TUB: variants seen among roughly 807,000 people sequenced by gnomAD.
The protein encoded by TUB is tubby protein homolog.
TUB carries 33 observed loss-of-function variants against 59.7 expected under a neutral mutation model. The observed-to-expected ratio is 0.55, with a 90% CI of 0.42 to 0.74. The LOEUF (loss-of-function observed/expected upper bound fraction) is 0.74, where lower values mean the gene tolerates loss of function less well. TUB is among the 30% of genes least tolerant of loss of function. TUB has a pLI of 0.00. For missense variants in TUB, 659 were observed against 672.0 expected, an observed-to-expected ratio of 0.98 and a Z score of 0.21; for synonymous variants, 293 against 256.4, an observed-to-expected ratio of 1.14 and a Z score of -1.36.
At chr11:8,097,607 G>A in intron 7 of TUB, 107 bp from the exon 8 acceptor site, 2 of 1,297,766 alleles carry the variant, frequency 1.5e-6, no homozygotes, top group African/African-American at 1.5e-5. Flanking sequence ...GTGCACATAT[G>A]TGCGTTTGGG....
rs186904211 is a variant in TUB at position 8,073,725 on chromosome 11, A to G, written c.204-15885A>G. On this transcript the variant is annotated intron_variant, in intron 2 of 12. Coordinates refer to the TUB transcript ENST00000305253. ...GCTCAGCCTCAGAACCACTCTTTCT[A>G]TTTATAATCTCAGCCTGTGCTCCCC... Among the ~76,000 whole-genome samples the G allele has an allele frequency of 3.7e-4, 56 of 152,308 alleles. 1 individual carries two copies. In the East Asian group the frequency reaches 6.0e-3, roughly 16 times the overall value.
intron 1 of TUB, among the ~76,000 whole-genome samples, chr11:8,023,305 C>T (rs1026467166): frequency 6.6e-6 from 1 of 152,156 alleles, no homozygotes; most frequent in Admixed American, 6.5e-5. Context: ...GGGAAACAGG[C>T]CTTACCTCTT....
intron 1 of TUB, among the ~76,000 whole-genome samples, chr11:8,020,395 C>T (rs1018029186): frequency 6.6e-6 from 1 of 152,168 alleles, no homozygotes; most frequent in Non-Finnish European, 1.5e-5. Flanking sequence ...CCCTTGTTTG[C>T]CTAGATTCAG....
chr11:8,105,338 A>ACT lies in TUB; in HGVS notation c.*3722_*3723dup, dbSNP rs1235824493. ...CCTGCAGTCAGGGCCCAGAGTTGGG[A>ACT]CTCTATACTACCCTGGGCTCTGGTC... is the stretch of plus-strand genomic sequence containing the variant. On this transcript the variant is annotated 3_prime_UTR_variant, in exon 12 of 12. Transcript: ENST00000299506. The ACT allele has an allele frequency of 6.6e-6, 1 of 151,952 alleles. No individual in the cohort carries two copies. Among genetic ancestry groups the ACT allele is most frequent in the African/African-American group, 2.4e-5 (1 of 41,338 alleles). 9.4% of individuals were successfully genotyped at this position (151,952 alleles called of 1,614,324 possible).
intron 1 of TUB, among the ~76,000 whole-genome samples, chr11:8,033,625 G>A (rs918207666): frequency 4.6e-5 from 7 of 152,220 alleles, no homozygotes; most frequent in African/African-American, 1.7e-4. Flanking sequence ...TCCTGAGAGC[G>A]GGACCGTCTT....
intron 1 of TUB, among the ~76,000 whole-genome samples, chr11:8,020,142 C>G (rs1485432688): frequency 1.3e-5 from 2 of 152,220 alleles, no homozygotes; most frequent in African/African-American, 2.4e-5. Context: ...TAAATGCCAC[C>G]CTTGTATTTA....
rs2133873120 is a variant in TUB at position 8,096,791 on chromosome 11, C to G, written c.672C>G (p.Ser224Arg). Residue 224 changes from serine (S) to arginine (R), a missense_variant, in exon 6 of 12, where the codon AGC becomes AGG. Transcript: ENST00000299506. Reference sequence around the variant, plus strand: ...ACACCCGCCCCAGCTCTGCTACTAGCAGGAAGTCCGTCAGGGTGAGTGAGT... The same window carrying G: ...ACACCCGCCCCAGCTCTGCTACTAGGAGGAAGTCCGTCAGGGTGAGTGAGT... The part of the protein sequence containing the change: ...NSNTRPSSAT[S>R]RKSVREAASA... 1 of 1,614,170 alleles carries G rather than the reference C, an allele frequency of 6.2e-7. No homozygotes were observed. The highest frequency in any genetic ancestry group is 8.5e-7 in the Non-Finnish European group (1 of 1,180,004).
At chr11:8,033,032 C>T (rs1006338125) in intron 1 of TUB, among the ~76,000 whole-genome samples, 6 of 152,070 alleles carry the variant, frequency 3.9e-5, no homozygotes, top group African/African-American at 7.2e-5. Flanking sequence ...GCTGAGGTCC[C>T]GATAGAGTGG....
At chr11:8,081,591 G>C in intron 1 of TUB, 43 bp downstream of exon 1, 1 of 1,487,466 alleles carries the variant, frequency 6.7e-7, no homozygotes. Flanking sequence ...TCCCGACTCG[G>C]GACGTGAGCT....
intron 8 of TUB, 60 bp downstream of exon 8, chr11:8,097,886 C>T (rs1296728096): frequency 7.6e-7 from 1 of 1,308,032 alleles, no homozygotes; most frequent in African/African-American, 1.5e-5. Flanking sequence ...GGCAAGCTGT[C>T]TGTAGAGGGC....
At chr11:8,094,273 G>A in intron 4 of TUB, 84 bp downstream of exon 4, 3 of 1,473,182 alleles carry the variant, frequency 2.0e-6, no homozygotes, top group South Asian at 1.4e-5. Context: ...CTGACTTGGA[G>A]GGGAGGGATA....
intron 1 of TUB, among the ~76,000 whole-genome samples, chr11:8,022,430 T>C (rs1703897165): frequency 6.6e-6 from 1 of 152,160 alleles, no homozygotes; most frequent in South Asian, 2.1e-4. Flanking sequence ...GCTGCCCCCA[T>C]CACATCTTTG....
chr11:8,050,972 T>C (rs1375406255), intron 2 of TUB, among the ~76,000 whole-genome samples: 3 of 152,152 alleles, frequency 2.0e-5, no homozygotes, highest in African/African-American at 7.2e-5. Flanking sequence ...AAAGTCAAGG[T>C]GAGACAGGAA....
rs1328671741 is a variant in TUB at position 8,101,681 on chromosome 11, G to C, written c.*62G>C. ...AGCGGAGCTTGCCTGCCTGCCTGTG[G>C]AGACAGCCCTGCCTATCCTCTGTAT... On this transcript the variant is annotated 3_prime_UTR_variant, in exon 12 of 12. Coordinates refer to ENST00000299506, the MANE Select transcript of TUB (RefSeq NM_177972.3). 5.7e-6 allele frequency: 9 copies of C among 1,589,846 alleles called. No homozygotes were observed. The Admixed American group carries it at 1.1e-4, about 19-fold the overall frequency.
At position 8,029,124 on chromosome 11, in the gene TUB, G is replaced by A. The variant is rs1589919922; in HGVS notation, c.56+9766G>A. Reference sequence around the variant, plus strand: ...TACACTATATCTGTGACCAAAGGTGGATTCTGGCCCACACTGGTCTCTTCT... The same window carrying A: ...TACACTATATCTGTGACCAAAGGTGAATTCTGGCCCACACTGGTCTCTTCT... On this transcript the variant is annotated intron_variant, in intron 1 of 11. Transcript: ENST00000534099. 3.9e-5 allele frequency among the ~76,000 whole-genome samples: 6 copies of A among 152,302 alleles called. No homozygotes were observed. The South Asian group carries it at 1.2e-3, about 32-fold the overall frequency.
intron 1 of TUB, among the ~76,000 whole-genome samples, chr11:8,085,523 T>C (rs902715207): frequency 6.6e-6 from 1 of 151,976 alleles, no homozygotes; most frequent in Admixed American, 6.6e-5. Flanking sequence ...TTGCCGGGGG[T>C]CCAGGGTTGC....
At chr11:8,036,170 C>G (rs1942643245), upstream of TUB, 1 of 152,156 alleles carries the variant, frequency 6.6e-6, no homozygotes, top group Non-Finnish European at 1.5e-5. Flanking sequence ...CCTAGGCCAG[C>G]TGGTCACAGT....
Position 8,101,598 on chromosome 11 carries a change from C to T in TUB, c.1500C>T (p.Asp500=). 1 of 1,614,242 alleles carries T rather than the reference C, an allele frequency of 6.2e-7. No individual in the cohort carries two copies. The highest frequency in any genetic ancestry group is 1.6e-4 in the Middle Eastern group (1 of 6,062). Residue 500 remains aspartate, a synonymous_variant, in exon 12 of 12, where the codon GAC becomes GAT. Transcript: ENST00000299506. ...QAFAIALSSF[D]SKLACE Reference sequence around the variant, plus strand: ...TTGCCATTGCCCTGTCCAGCTTCGACAGCAAGCTGGCGTGCGAGTAGAGGC... The same window carrying T: ...TTGCCATTGCCCTGTCCAGCTTCGATAGCAAGCTGGCGTGCGAGTAGAGGC...
At chr11:8,090,353 C>T in intron 3 of TUB, 122 bp downstream of exon 3, 2 of 1,342,514 alleles carry the variant, frequency 1.5e-6, no homozygotes, top group South Asian at 1.5e-5. Flanking sequence ...TGGCTTCCAG[C>T]CCAGGCAGAC....
Sources: allele counts gnomAD v4.1 joint callset (sites outside exome capture counted in the v4.1 genomes callset), GRCh38; gene constraint gnomAD v4.1.1; transcripts MANE v1.5; gene names NCBI Gene and HGNC (gene_info 2026-07-23, HGNC 2026-07-21).